The following NRG1 variants were observed in gnomAD, a reference collection of about 807,000 sequenced individuals.
NRG1 encodes the protein pro-neuregulin-1, membrane-bound isoform.
A neutral mutation model predicts 63.8 loss-of-function variants in NRG1; 18 were observed. The observed-to-expected ratio is 0.28, with a 90% CI of 0.19 to 0.42. The LOEUF (loss-of-function observed/expected upper bound fraction) is 0.42, where lower values mean the gene tolerates loss of function less well. NRG1 is among the 10% of genes least tolerant of loss of function. The pLI is 1.00. For missense variants in NRG1, 762 were observed against 814.7 expected, an observed-to-expected ratio of 0.94 and a Z score of 0.79; for synonymous variants, 302 against 301.3, an observed-to-expected ratio of 1.00 and a Z score of -0.02.
intron 1 of NRG1, among the ~76,000 whole-genome samples, chr8:32,209,712 CCCTTCCTTCCTTCCTTCCTTCCTT>C (rs200085311): frequency 0.033 from 4,344 of 131,978 alleles, 77 homozygotes; most frequent in African/African-American, 0.05. Flanking sequence ...TTCTCTCTTT[CCCTTCCTTCCTTCCTTCCTTCCTT>C]CCTTCCTTCC....
At chr8:31,745,615 C>T (rs766304676) in intron 1 of NRG1, among the ~76,000 whole-genome samples, 3 of 151,786 alleles carry the variant, frequency 2.0e-5, no homozygotes, top group Non-Finnish European at 4.4e-5. Flanking sequence ...TGAGAAAAAT[C>T]CAAGCTAGAA....
chr8:32,100,186 T>TA (rs951697664), intron 1 of NRG1, among the ~76,000 whole-genome samples: 1 of 151,996 alleles, frequency 6.6e-6, no homozygotes, highest in African/African-American at 2.4e-5. Flanking sequence ...TTTAAAGTCT[T>TA]AAAAAACAAA....
chr8:32,728,757 T>C, intron 6 of NRG1: 1 of 704,156 alleles, frequency 1.4e-6, no homozygotes, highest in Non-Finnish European at 1.7e-6. Flanking sequence ...AAGGAGTTGA[T>C]GCACCATTAA....
At chr8:32,255,012 C>T (rs1171544553) in intron 1 of NRG1, among the ~76,000 whole-genome samples, 1 of 152,180 alleles carries the variant, frequency 6.6e-6, no homozygotes, top group Non-Finnish European at 1.5e-5. Flanking sequence ...ACTAGGATTG[C>T]AACCTCTGCT....
chr8:32,091,292 A>AT (rs397891207), intron 1 of NRG1, among the ~76,000 whole-genome samples: 1 of 151,696 alleles, frequency 6.6e-6, no homozygotes, highest in Non-Finnish European at 1.5e-5. Flanking sequence ...AAAAAAAAAA[A>AT]GAAGTAATTG....
chr8:32,168,556 C>G (rs1246498796), intron 1 of NRG1, among the ~76,000 whole-genome samples: 1 of 152,158 alleles, frequency 6.6e-6, no homozygotes, highest in Non-Finnish European at 1.5e-5. Flanking sequence ...GCAATGAAAG[C>G]CAAATCCCAA....
chr8:32,005,103 G>A (rs1288675633), intron 1 of NRG1, among the ~76,000 whole-genome samples: 1 of 151,376 alleles, frequency 6.6e-6, no homozygotes, highest in Non-Finnish European at 1.5e-5. Context: ...AGGAAAAAGG[G>A]AAGGGAGGAA....
intron 1 of NRG1, among the ~76,000 whole-genome samples, chr8:32,013,924 CTG>C (rs1815121212): frequency 6.6e-6 from 1 of 152,160 alleles, no homozygotes; most frequent in South Asian, 2.1e-4. Context: ...AGGAAAAAAG[CTG>C]TGTCTTCACC....
chr8:32,760,016 T>C (rs1421671171), intron 10 of NRG1, among the ~76,000 whole-genome samples, 184 bp from the exon 11 acceptor site: 1 of 152,192 alleles, frequency 6.6e-6, no homozygotes, highest in Non-Finnish European at 1.5e-5. Context: ...CCAATCTGAA[T>C]CAAGATCCTC....
intron 1 of NRG1, among the ~76,000 whole-genome samples, chr8:31,692,496 A>G (rs2131137186): frequency 6.6e-6 from 1 of 152,350 alleles, no homozygotes; most frequent in African/African-American, 2.4e-5. Flanking sequence ...AGTTTAGTTG[A>G]GAAAATATAA....
chr8:31,787,613 C>A lies in NRG1; in HGVS notation c.37+148182C>A, dbSNP rs148153644. Among the ~76,000 whole-genome samples the A allele has an allele frequency of 4.2e-4, 64 of 152,266 alleles. 1 individual carries two copies. The highest frequency in any genetic ancestry group is 1.5e-3 in the African/African-American group (61 of 41,560). On this transcript the variant is annotated intron_variant, in intron 1 of 10. Coordinates refer to the NRG1 transcript ENST00000519301. ...TGGAAGATGTATGAATATGGACCAA[C>A]AACAGTGTTTATTTTAATAATTCTA... is the stretch of plus-strand genomic sequence containing the variant.
intron 1 of NRG1, among the ~76,000 whole-genome samples, chr8:32,539,059 T>C (rs1832315915): frequency 6.6e-6 from 1 of 151,948 alleles, no homozygotes; most frequent in African/African-American, 2.4e-5. Flanking sequence ...ACAGTTAAAA[T>C]CATAGAGGCA....
chr8:32,522,079 A>G (rs921518974), intron 1 of NRG1, among the ~76,000 whole-genome samples: 2 of 152,110 alleles, frequency 1.3e-5, no homozygotes, highest in African/African-American at 4.8e-5. Flanking sequence ...CATTGTGAGT[A>G]TTTCTTGTGT....
chr8:31,641,531 C>T (rs577181911), intron 1 of NRG1, among the ~76,000 whole-genome samples: 10 of 152,252 alleles, frequency 6.6e-5, no homozygotes, highest in African/African-American at 1.9e-4. Context: ...GAAAAGTATT[C>T]TTCCCGGGTC....
intron 1 of NRG1, among the ~76,000 whole-genome samples, chr8:31,775,541 A>C (rs1478266325): frequency 6.6e-6 from 1 of 152,120 alleles, no homozygotes; most frequent in Non-Finnish European, 1.5e-5. Flanking sequence ...TCACCACTAC[A>C]CAGTATATCA....
At chr8:32,585,343 C>T (rs1250206060) in intron 1 of NRG1, among the ~76,000 whole-genome samples, 1 of 152,158 alleles carries the variant, frequency 6.6e-6, no homozygotes, top group African/African-American at 2.4e-5. Flanking sequence ...GTGAAGCTTG[C>T]TGGACATCTT....
chr8:32,129,840 C>T (rs532196972), intron 1 of NRG1, among the ~76,000 whole-genome samples: 1 of 151,992 alleles, frequency 6.6e-6, no homozygotes, highest in South Asian at 2.1e-4. Context: ...TGTGCAAAAA[C>T]CCCAAAGGCT....
rs80042586 is a variant in NRG1, at chr8:32,009,168, T to A, written c.37+369737T>A. Among the ~76,000 whole-genome samples, 961 of 152,184 alleles carry A rather than the reference T, an allele frequency of 6.3e-3. 10 individuals are homozygous for A. Among genetic ancestry groups the A allele is most frequent in the African/African-American group, 0.022 (911 of 41,540 alleles). On this transcript the variant is annotated intron_variant, in intron 1 of 10. Transcript: ENST00000519301. ...CTTGAGAAATTTGTGTTGTATAATA[T>A]GACCGTATATGATCCCAGTAGTTGT... is the stretch of plus-strand genomic sequence containing the variant.
At chr8:32,207,956 A>G (rs1305234352) in intron 1 of NRG1, among the ~76,000 whole-genome samples, 2 of 152,146 alleles carry the variant, frequency 1.3e-5, no homozygotes, top group African/African-American at 2.4e-5. Flanking sequence ...ACACAATACC[A>G]TCCTTGGGTG....
Sources: gnomAD v4.1 joint callset for allele counts (sites outside exome capture counted in the v4.1 genomes callset) on GRCh38, gnomAD v4.1.1 for gene constraint, MANE v1.5 for transcripts, NCBI Gene and HGNC (gene_info 2026-07-23, HGNC 2026-07-21) for gene names.